HELQ: variants seen among roughly 807,000 people sequenced by gnomAD.
HELQ encodes the protein helicase POLQ-like.
A neutral mutation model predicts 111.6 loss-of-function variants in HELQ; 77 were observed. That is an observed-to-expected ratio of 0.69 (90% CI 0.57 to 0.83). The LOEUF (loss-of-function observed/expected upper bound fraction) is 0.83, where lower values mean the gene tolerates loss of function less well. HELQ is among the 40% of genes least tolerant of loss of function. HELQ has a pLI of 0.00. For missense variants in HELQ, 1,200 were observed against 1,288.5 expected (o/e 0.93, Z 1.05); for synonymous variants, 438 against 454.7 (o/e 0.96, Z 0.47).
At chr4:83,443,352 T>C (rs1408081065) in intron 6 of HELQ, among the ~76,000 whole-genome samples, 165 bp downstream of exon 6, 1 of 152,128 alleles carries the variant, frequency 6.6e-6, no homozygotes, top group Non-Finnish European at 1.5e-5. Flanking sequence ...ATACACAAAC[T>C]CTTAAATTCT....
chr4:83,437,284 T>C (rs1262101171), intron 8 of HELQ, among the ~76,000 whole-genome samples, 187 bp from the exon 9 acceptor site: 1 of 152,180 alleles, frequency 6.6e-6, no homozygotes, highest in Non-Finnish European at 1.5e-5. Context: ...TCTCAATCTT[T>C]TTGTGGATTA....
intron 16 of HELQ, 131 bp downstream of exon 16, chr4:83,417,961 GA>G: frequency 2.0e-6 from 1 of 498,998 alleles, no homozygotes; most frequent in Non-Finnish European, 3.6e-6. Context: ...TTAAATAAAA[GA>G]TTCCCATGAC....
At chr4:83,454,889 T>C (rs1721660486) in intron 1 of HELQ, among the ~76,000 whole-genome samples, 1 of 152,046 alleles carries the variant, frequency 6.6e-6, no homozygotes, top group Non-Finnish European at 1.5e-5. Flanking sequence ...CACTAGACAC[T>C]CCAAGGAGTT....
At chr4:83,425,379 T>C (rs1183186791) in intron 14 of HELQ, among the ~76,000 whole-genome samples, 1 of 151,626 alleles carries the variant, frequency 6.6e-6, no homozygotes, top group Non-Finnish European at 1.5e-5. Context: ...AAAAAAAGTG[T>C]ATTACAAGGG....
intron 2 of HELQ, among the ~76,000 whole-genome samples, chr4:83,450,246 A>AT: frequency 7.2e-6 from 1 of 138,692 alleles, no homozygotes; most frequent in Non-Finnish European, 1.5e-5. Context: ...AAAAAAAAAA[A>AT]AAAAAAAAGC....
rs556455607 is a variant in HELQ, at chr4:83,450,490, C to T, written c.1013-1529G>A. On this transcript the variant is annotated intron_variant, in intron 2 of 17. Coordinates refer to ENST00000295488, the MANE Select transcript of HELQ (RefSeq NM_133636.5). ...TTTCTTTAAAAATATTTCAAAAATA[C>T]TTAAATTTAATATTCAATAAATATT... is the stretch of plus-strand genomic sequence containing the variant. Among the ~76,000 whole-genome samples, 6 of 151,772 alleles carry T rather than the reference C, an allele frequency of 4.0e-5. No individual in the cohort carries two copies. The South Asian group carries it at 6.2e-4, about 16-fold the overall frequency.
At chr4:83,450,776 G>A (rs1278306939) in intron 2 of HELQ, among the ~76,000 whole-genome samples, 1 of 151,820 alleles carries the variant, frequency 6.6e-6, no homozygotes, top group Non-Finnish European at 1.5e-5. Flanking sequence ...GACCAGCCTA[G>A]GCAACAAAAT....
chr4:83,414,965 A>ACACT (rs1390749219), intron 17 of HELQ, among the ~76,000 whole-genome samples: 2 of 152,250 alleles, frequency 1.3e-5, no homozygotes, highest in Non-Finnish European at 2.9e-5. Context: ...ATTGGGGGTA[A>ACACT]CACTGACTTT....
At chr4:83,442,071 TTC>T (rs1460856548) in intron 6 of HELQ, among the ~76,000 whole-genome samples, 1 of 152,134 alleles carries the variant, frequency 6.6e-6, no homozygotes, top group African/African-American at 2.4e-5. Context: ...AGCCAAAACT[TTC>T]TGTCTTATTA....
chr4:83,431,588 A>G lies in HELQ; in HGVS notation c.2295+76T>C. ...GTATAAAATCTACACAGTTGCATAT[A>G]TAAAGTTATTGCATAACTTTTTAAC... On this transcript the variant is annotated intron_variant, in intron 11 of 17. Coordinates refer to ENST00000295488, the MANE Select transcript of HELQ (RefSeq NM_133636.5). The G allele has an allele frequency of 6.9e-6, 4 of 578,614 alleles. No individual in the cohort carries two copies. In the South Asian group the frequency reaches 9.9e-5, roughly 14 times the overall value. The allele number at this position is 578,614 out of a possible 1,614,324, so 35.8% of individuals were successfully genotyped here.
intron 17 of HELQ, among the ~76,000 whole-genome samples, chr4:83,415,798 C>T (rs1215981223): frequency 2.0e-5 from 3 of 151,818 alleles, no homozygotes; most frequent in Non-Finnish European, 4.4e-5. Flanking sequence ...AGGTGTGGGC[C>T]ACCACGCCTG....
intron 9 of HELQ, among the ~76,000 whole-genome samples, chr4:83,434,831 T>C (rs1371786425): frequency 2.0e-5 from 3 of 151,960 alleles, no homozygotes; most frequent in Non-Finnish European, 4.4e-5. Flanking sequence ...CTGAAAAATG[T>C]GTAAGAAAAG....
intron 17 of HELQ, among the ~76,000 whole-genome samples, chr4:83,410,939 C>T (rs1184236226): frequency 1.3e-5 from 2 of 151,180 alleles, no homozygotes; most frequent in Non-Finnish European, 2.9e-5. Flanking sequence ...TTGCTTGAGC[C>T]CAGGAGTTCG....
chr4:83,448,956 G>A lies in HELQ; in HGVS notation c.1018C>T (p.Gln340Ter). ...FKGIEKLYEW[Q>*]HTCLTLNSVQ... ...GAATTCAATGTTAAACAAGTATGTT[G>A]CCATTCTGTGGAATTAAAAAAAAAA... The change falls in exon 3 of 18, where the codon CAA (glutamine) becomes TAA (stop). Residue 340 changes from glutamine (Q) to a stop codon, truncating the protein, a stop_gained. Transcript: ENST00000295488. LOFTEE classifies it high-confidence loss of function. 2 of 1,553,220 alleles carry A rather than the reference G, an allele frequency of 1.3e-6. No individual in the cohort carries two copies. Among genetic ancestry groups the A allele is most frequent in the Non-Finnish European group, 1.7e-6 (2 of 1,149,804 alleles).
intron 3 of HELQ, among the ~76,000 whole-genome samples, chr4:83,448,296 C>G (rs776636934): frequency 6.6e-6 from 1 of 152,172 alleles, no homozygotes; most frequent in Non-Finnish European, 1.5e-5. Flanking sequence ...CTTTCAACAA[C>G]TGGTAATTAG....
chr4:83,431,855 C>T, intron 10 of HELQ, 87 bp from the exon 11 acceptor site: 1 of 582,962 alleles, frequency 1.7e-6, no homozygotes, highest in African/African-American at 2.0e-5. Context: ...TTACATAAAT[C>T]TTGTGGAGCC....
chr4:83,429,666 T>G lies in HELQ; in HGVS notation c.2376A>C (p.Glu792Asp). 6.2e-7 allele frequency: 1 copy of G among 1,613,496 alleles called. No homozygotes were observed. The highest frequency in any genetic ancestry group is 8.5e-7 in the Non-Finnish European group (1 of 1,179,562). ...FGVQQKVLLK[E>D]KSLWEITVES... ...CAACAGTTATTTCCCAGAGACTTTT[T>G]TCTTTCAATAAAACCTTTTGCTGAA... is the stretch of plus-strand genomic sequence containing the variant. Residue 792 changes from glutamate (E) to aspartate (D), a missense_variant, in exon 12 of 18, where the codon GAA (glutamate) becomes GAC (aspartate). Glu to Asp is a conservative substitution (Grantham distance 45, BLOSUM62 2). Coordinates refer to ENST00000295488, the MANE Select transcript of HELQ (RefSeq NM_133636.5).
chr4:83,420,419 G>A (rs1739606805), intron 15 of HELQ, among the ~76,000 whole-genome samples: 1 of 152,072 alleles, frequency 6.6e-6, no homozygotes, highest in South Asian at 2.1e-4. Context: ...GATCGCTTCA[G>A]CCTGAAGTTC....
chr4:83,437,173 G>T, intron 8 of HELQ, 76 bp from the exon 9 acceptor site: 1 of 1,340,152 alleles, frequency 7.5e-7, no homozygotes, highest in Non-Finnish European at 1.0e-6. Context: ...CATTTTAGTA[G>T]ATGCTAATGT....
Sources: allele counts gnomAD v4.1 joint callset (sites outside exome capture counted in the v4.1 genomes callset), GRCh38; gene constraint gnomAD v4.1.1; transcripts MANE v1.5; gene names NCBI Gene and HGNC (gene_info 2026-07-23, HGNC 2026-07-21).